Variants in RNF17 observed in about 807,000 individuals in gnomAD.
RNF17 encodes spermatogenesis associated 23.
RNF17 carries 31 observed loss-of-function variants against 200.5 expected under a neutral mutation model. The ratio of observed to expected loss-of-function variants is 0.15; its 90% CI spans 0.12 to 0.21. The LOEUF (loss-of-function observed/expected upper bound fraction) is 0.21. Among genes scored for constraint, RNF17 ranks in the 10% least tolerant of loss-of-function variants. The probability of loss-of-function intolerance (pLI) is 1.00; values close to 1 mark genes in which losing one functional copy is unlikely to be tolerated. For synonymous variants in RNF17, 606 were observed against 637.8 expected, an observed-to-expected ratio of 0.95 and a Z score of 0.75; for missense variants, 1,628 against 1,905.1, an observed-to-expected ratio of 0.85 and a Z score of 2.71.
chr13:24,868,477 A>AG, intron 30 of RNF17, 123 bp from the exon 31 acceptor site: 2 of 453,754 alleles, frequency 4.4e-6, no homozygotes, highest in African/African-American at 2.1e-5. Context: ...CTCAAAAAAA[A>AG]AAAAAAAAAA....
intron 2 of RNF17, among the ~76,000 whole-genome samples, chr13:24,770,700 C>T (rs927045177): frequency 6.6e-6 from 1 of 152,134 alleles, no homozygotes; most frequent in Non-Finnish European, 1.5e-5. Flanking sequence ...CTCTTCCCCA[C>T]CAAAGATGTA....
chr13:24,789,762 G>A lies in RNF17; in HGVS notation c.925G>A (p.Asp309Asn). 6.3e-7 allele frequency: 1 copy of A among 1,577,602 alleles called. No homozygotes were observed. The highest frequency in any genetic ancestry group is 8.7e-7 in the Non-Finnish European group (1 of 1,147,664). Residue 309 changes from aspartate to asparagine, a missense_variant, in exon 9 of 36, where the codon GAC becomes AAC. This residue lies in a region of RNF17 where 502 missense variants were observed against 501.7 expected (regional missense o/e 1.00). Coordinates refer to ENST00000255324, the MANE Select transcript of RNF17 (RefSeq NM_031277.3). Reference protein sequence around the residue: ...FNNMGKIEFRDSTKCYPQENE... With the variant: ...FNNMGKIEFRNSTKCYPQENE... ...CAATATGGGAAAGATTGAATTTAGG[G>A]ACTCAACAAAGTAAGTATTTATAAG... is the stretch of plus-strand genomic sequence containing the variant.
chr13:24,754,193 A>T, the RNF17 span, among the ~76,000 whole-genome samples: 33,744 of 151,862 alleles, frequency 0.22, 4,232 homozygotes, highest in East Asian at 0.43. Flanking sequence ...TAAAATAAAT[A>T]GAAAAAAAGG....
At chr13:24,844,828 T>G in intron 21 of RNF17, 26 bp downstream of exon 21, 1 of 1,603,558 alleles carries the variant, frequency 6.2e-7, no homozygotes, top group Non-Finnish European at 8.5e-7. Flanking sequence ...AAAAGTGTAA[T>G]TGTGAAGGTG....
chr13:24,880,464 TA>T (rs1399203547), downstream of RNF17, among the ~76,000 whole-genome samples: 1 of 152,224 alleles, frequency 6.6e-6, no homozygotes, highest in Non-Finnish European at 1.5e-5. Context: ...ATCATTCATA[TA>T]AATGTCTTTA....
intron 2 of RNF17, among the ~76,000 whole-genome samples, chr13:24,768,438 C>T (rs373878891): frequency 1.9e-4 from 29 of 152,152 alleles, no homozygotes; most frequent in African/African-American, 6.3e-4. Context: ...GTCTGTGCCA[C>T]CACGCCCGAC....
intron 30 of RNF17, 46 bp from the exon 31 acceptor site, chr13:24,868,554 A>G (rs761488030): frequency 2.2e-6 from 2 of 895,480 alleles, no homozygotes; most frequent in Non-Finnish European, 3.6e-6. Context: ...AATGTAATAG[A>G]TTTTTGTCCT....
the RNF17 span, among the ~76,000 whole-genome samples, chr13:24,747,925 C>T: frequency 6.6e-6 from 1 of 152,234 alleles, no homozygotes; most frequent in East Asian, 1.9e-4. Flanking sequence ...CCCTACCCAG[C>T]CTGGTTCAGG....
rs1894145591 is a variant in RNF17, at chr13:24,870,574, T to C, written c.4282T>C (p.Tyr1428His). 1.2e-6 allele frequency: 2 copies of C among 1,611,320 alleles called. No individual in the cohort carries two copies. Among genetic ancestry groups the C allele is most frequent in the African/African-American group, 1.3e-5 (1 of 74,906 alleles). Residue 1428 changes from tyrosine (Y) to histidine (H), a missense_variant, in exon 32 of 36, where the codon TAT becomes CAT. Physicochemically the swap from Tyr to His is moderately conservative, Grantham distance 83 (BLOSUM62 2). Transcript: ENST00000255324. ...TCCTTTCATTCTCCCCACTTAGGTG[T>C]ATATTTGCCTTGATTCTATAGAAAC... ...VKHVVSPNEVYICLDSIETSN... is the reference protein window; with the variant it reads ...VKHVVSPNEVHICLDSIETSN...
rs778449634 is a variant in RNF17 at position 24,764,183 on chromosome 13, T to C, written c.-21T>C. The C allele has an allele frequency of 3.2e-6, 5 of 1,573,256 alleles. No homozygotes were observed. The Admixed American group carries it at 6.9e-5, about 22-fold the overall frequency. On this transcript the variant is annotated 5_prime_UTR_variant, in exon 1 of 36. Transcript: ENST00000255324. ...CGCCGGGACTCGCACTCGGCGGTTGTTCCAGAAGAAAGAGACAGCGATGGC... is the reference window on the plus strand; with the variant it reads ...CGCCGGGACTCGCACTCGGCGGTTGCTCCAGAAGAAAGAGACAGCGATGGC...
chr13:24,782,743 G>T (rs1266612519), intron 6 of RNF17, among the ~76,000 whole-genome samples: 1 of 152,084 alleles, frequency 6.6e-6, no homozygotes, highest in Non-Finnish European at 1.5e-5. Flanking sequence ...AGCTGAGGTG[G>T]GAGGATTGCT....
chr13:24,765,245 G>A (rs1382080407), intron 1 of RNF17, among the ~76,000 whole-genome samples: 1 of 152,144 alleles, frequency 6.6e-6, no homozygotes, highest in Non-Finnish European at 1.5e-5. Flanking sequence ...TCGATCTCCT[G>A]ACCTCGTGAT....
upstream of RNF17, among the ~76,000 whole-genome samples, chr13:24,761,168 T>A (rs1593182508): frequency 1.3e-5 from 2 of 152,344 alleles, no homozygotes; most frequent in East Asian, 3.9e-4. Flanking sequence ...AATATTAAAA[T>A]TCTGGCTTGG....
At chr13:24,823,441 T>A (rs1427002642) in intron 15 of RNF17, among the ~76,000 whole-genome samples, 2 of 152,204 alleles carry the variant, frequency 1.3e-5, no homozygotes, top group Non-Finnish European at 1.5e-5. Context: ...TCAAAGACCA[T>A]TCCTTGTCAT....
intron 7 of RNF17, among the ~76,000 whole-genome samples, 177 bp downstream of exon 7, chr13:24,788,336 G>A (rs117398838): frequency 0.013 from 1,949 of 152,186 alleles, 27 homozygotes; most frequent in Middle Eastern, 0.024. Context: ...AATAATGTAT[G>A]AAATCTAAGA....
chr13:24,837,944 A>G (rs1051903842), intron 18 of RNF17, among the ~76,000 whole-genome samples: 1 of 152,182 alleles, frequency 6.6e-6, no homozygotes, highest in Non-Finnish European at 1.5e-5. Context: ...AGCACGATTT[A>G]GCACGATTAA....
At chr13:24,760,854 T>C (rs575217129), upstream of RNF17, among the ~76,000 whole-genome samples, 3 of 152,094 alleles carry the variant, frequency 2.0e-5, no homozygotes, top group African/African-American at 7.2e-5. Context: ...AAATGGCTAA[T>C]AGGTATATGA....
intron 11 of RNF17, among the ~76,000 whole-genome samples, chr13:24,797,164 C>T (rs1034536717): frequency 6.6e-6 from 1 of 152,114 alleles, no homozygotes; most frequent in Non-Finnish European, 1.5e-5. Flanking sequence ...TTTGTGGTTG[C>T]AAATAATGTG....
chr13:24,785,265 T>C (rs1356952013), intron 6 of RNF17, among the ~76,000 whole-genome samples: 6 of 152,214 alleles, frequency 3.9e-5, no homozygotes, highest in Non-Finnish European at 7.4e-5. Context: ...ATAAATTTTG[T>C]GTTCTTGCTT....
Sources: allele counts gnomAD v4.1 joint callset (sites outside exome capture counted in the v4.1 genomes callset), GRCh38; gene constraint gnomAD v4.1.1; regional missense constraint gnomAD v4.1.1; transcripts MANE v1.5; gene names NCBI Gene and HGNC (gene_info 2026-07-23, HGNC 2026-07-21).